UNC5D: variants seen among roughly 807,000 people sequenced by gnomAD.
UNC5D encodes the protein netrin receptor UNC5D.
Under a neutral mutation model 105.4 loss-of-function variants are expected in UNC5D, and 39 were observed. The ratio of observed to expected loss-of-function variants is 0.37; its 90% CI spans 0.29 to 0.48. UNC5D has a LOEUF of 0.48. UNC5D is among the 20% of genes least tolerant of loss of function. The probability of loss-of-function intolerance (pLI) is 0.98; values close to 1 mark genes in which losing one functional copy is unlikely to be tolerated. For synonymous variants in UNC5D, 452 were observed against 450.4 expected (o/e 1.00, Z -0.04); for missense variants, 991 against 1,202.4 (o/e 0.82, Z 2.60).
intron 1 of UNC5D, among the ~76,000 whole-genome samples, chr8:35,293,726 A>G (rs79199682): frequency 0.012 from 1,803 of 152,308 alleles, 39 homozygotes; most frequent in African/African-American, 0.042. Context: ...GATGGCGTTC[A>G]TAGCTTTTAC....
At chr8:35,774,615 T>A in intron 16 of UNC5D, 138 bp downstream of exon 16, 1 of 1,163,060 alleles carries the variant, frequency 8.6e-7, no homozygotes, top group Non-Finnish European at 1.2e-6. Context: ...GTGTTCCCAC[T>A]AAGTAAGTGG....
chr8:35,586,065 G>A (rs1325111321), intron 3 of UNC5D, among the ~76,000 whole-genome samples: 1 of 152,048 alleles, frequency 6.6e-6, no homozygotes, highest in Non-Finnish European at 1.5e-5. Flanking sequence ...CTGAGGTCAG[G>A]AGTTCGAGAC....
chr8:35,523,372 C>CA (rs1410181387), intron 1 of UNC5D, among the ~76,000 whole-genome samples: 1 of 152,034 alleles, frequency 6.6e-6, no homozygotes, highest in African/African-American at 2.4e-5. Context: ...CATGAGCCAC[C>CA]ATGCCTGGCC....
chr8:35,526,848 A>G (rs1370315619), intron 1 of UNC5D, among the ~76,000 whole-genome samples: 1 of 151,764 alleles, frequency 6.6e-6, no homozygotes, highest in Non-Finnish European at 1.5e-5. Context: ...CCTTTGATAT[A>G]TCTGATCTTT....
intron 13 of UNC5D, among the ~76,000 whole-genome samples, chr8:35,753,975 G>A (rs1160597250): frequency 6.6e-6 from 1 of 152,170 alleles, no homozygotes; most frequent in African/African-American, 2.4e-5. Flanking sequence ...AAGGCCTTCT[G>A]CAGAGATTTA....
chr8:35,445,839 GTATT>G (rs1288792632), intron 1 of UNC5D, among the ~76,000 whole-genome samples: 1 of 151,972 alleles, frequency 6.6e-6, no homozygotes, highest in Non-Finnish European at 1.5e-5. Flanking sequence ...TACATCTGTA[GTATT>G]TATTTATGAG....
At chr8:35,437,456 G>T (rs1302186796) in intron 1 of UNC5D, among the ~76,000 whole-genome samples, 1 of 151,978 alleles carries the variant, frequency 6.6e-6, no homozygotes, top group African/African-American at 2.4e-5. Context: ...CCATATAATT[G>T]TTCAGCTGAA....
intron 1 of UNC5D, among the ~76,000 whole-genome samples, chr8:35,248,919 T>A (rs868250699): frequency 5.3e-4 from 49 of 92,576 alleles, no homozygotes; most frequent in African/African-American, 2.3e-3. Context: ...TATATAAACA[T>A]ATATAATATA....
Position 35,683,624 on chromosome 8 carries a change from G to C in UNC5D, c.648G>C (p.Leu216=). The C allele has an allele frequency of 6.3e-7, 1 of 1,580,742 alleles. No individual in the cohort carries two copies. Among genetic ancestry groups the C allele is most frequent in the Non-Finnish European group, 8.6e-7 (1 of 1,168,340 alleles). ...TTGACACCAGGGCTGACCATAACCT[G>C]ATCATCAGGCAGGCACGGCTCTCGG... ...ENIDTRADHN[L]IIRQARLSDS... is the part of the protein sequence containing the mutation. The change falls in exon 5 of 17, where the codon CTG becomes CTC. Residue 216 remains leucine, a synonymous_variant. Transcript: ENST00000404895.
At chr8:35,362,789 T>G (rs10954986) in intron 1 of UNC5D, among the ~76,000 whole-genome samples, 1 of 151,888 alleles carries the variant, frequency 6.6e-6, no homozygotes, top group African/African-American at 2.4e-5. Flanking sequence ...ATTTTTGGCT[T>G]TGTTGGCTGT....
intron 1 of UNC5D, among the ~76,000 whole-genome samples, chr8:35,296,321 G>T (rs983963754): frequency 6.6e-6 from 1 of 152,132 alleles, no homozygotes; most frequent in Non-Finnish European, 1.5e-5. Flanking sequence ...GACAACACTT[G>T]TTATCTTTTG....
At chr8:35,507,939 A>G (rs1320159704) in intron 1 of UNC5D, among the ~76,000 whole-genome samples, 5 of 152,168 alleles carry the variant, frequency 3.3e-5, no homozygotes, top group East Asian at 1.9e-4. Context: ...TTAAGAGGAA[A>G]AAAAGCATAC....
intron 8 of UNC5D, among the ~76,000 whole-genome samples, chr8:35,708,387 G>T (rs142284188): frequency 2.7e-3 from 407 of 152,254 alleles, no homozygotes; most frequent in African/African-American, 8.0e-3. Flanking sequence ...GTACTAAACC[G>T]AATGTTTCAT....
intron 1 of UNC5D, among the ~76,000 whole-genome samples, chr8:35,290,841 A>C (rs1217197367): frequency 1.3e-5 from 2 of 151,652 alleles, no homozygotes; most frequent in Non-Finnish European, 2.9e-5. Context: ...CCAGCTACTC[A>C]GGAGGCTGAG....
At chr8:35,490,714 A>C (rs939648959) in intron 1 of UNC5D, among the ~76,000 whole-genome samples, 23 of 152,158 alleles carry the variant, frequency 1.5e-4, no homozygotes, top group Non-Finnish European at 1.5e-5. Context: ...CTGGTGTTTC[A>C]GAGGCTTCAT....
intron 1 of UNC5D, among the ~76,000 whole-genome samples, chr8:35,402,045 C>T (rs1022454921): frequency 6.6e-6 from 1 of 152,160 alleles, no homozygotes; most frequent in Non-Finnish European, 1.5e-5. Flanking sequence ...GATTGTTTTT[C>T]TGCTCCGTGT....
Position 35,796,451 on chromosome 8 carries a change from A to AT in UNC5D, c.*5888_*5889insT, listed in dbSNP as rs1803261387. Reference sequence around the variant, plus strand: ...TTGCAAAAAAAAAAAAAAAAAAAAAAACTGGATGGTTGCAGACTTTTCAAG... The same window carrying AT: ...TTGCAAAAAAAAAAAAAAAAAAAAAATACTGGATGGTTGCAGACTTTTCAAG... On this transcript the variant is annotated 3_prime_UTR_variant, in exon 17 of 17. Coordinates refer to ENST00000404895, the MANE Select transcript of UNC5D (RefSeq NM_080872.4). The AT allele has an allele frequency of 3.3e-5, 5 of 151,144 alleles. No individual in the cohort carries two copies. Among genetic ancestry groups the AT allele is most frequent in the African/African-American group, 1.2e-4 (5 of 40,982 alleles). 9.4% of individuals were successfully genotyped at this position (151,144 alleles called of 1,614,324 possible).
At chr8:35,469,464 A>G (rs1426625310) in intron 1 of UNC5D, among the ~76,000 whole-genome samples, 1 of 152,208 alleles carries the variant, frequency 6.6e-6, no homozygotes, top group African/African-American at 2.4e-5. Flanking sequence ...AAACATTGTC[A>G]TCATTTACTG....
intron 1 of UNC5D, among the ~76,000 whole-genome samples, chr8:35,514,197 A>G (rs930616154): frequency 6.6e-5 from 10 of 152,218 alleles, no homozygotes; most frequent in African/African-American, 2.4e-4. Context: ...CCTATGCAGG[A>G]AAGCATAGCT....
Sources: allele counts gnomAD v4.1 joint callset (sites outside exome capture counted in the v4.1 genomes callset), GRCh38; gene constraint gnomAD v4.1.1; transcripts MANE v1.5; gene names NCBI Gene and HGNC (gene_info 2026-07-23, HGNC 2026-07-21).